BCOR: variants seen among roughly 807,000 people sequenced by gnomAD.
BCOR encodes the protein BCL-6 corepressor.
Under a neutral mutation model 86.7 loss-of-function variants are expected in BCOR, and 10 were observed. That is an observed-to-expected ratio of 0.12 (90% confidence interval 0.07 to 0.20). BCOR has a LOEUF of 0.20. Ranked by LOEUF, BCOR falls within the 10% of genes least tolerant of loss-of-function variation. BCOR has a pLI of 1.00. For missense variants in BCOR, 1,259 were observed against 1,452.1 expected (o/e 0.87, Z 2.16); for synonymous variants, 611 against 609.0 (o/e 1.00, Z -0.05).
In BCOR at chrX:40,125,994, G is replaced by A. The variant is rs891250823; in HGVS notation, c.-40-48025C>T. Among the ~76,000 whole-genome samples, 8 of 106,707 alleles carry A rather than the reference G, an allele frequency of 7.5e-5. No individual in the cohort carries two copies. The Admixed American group carries it at 8.0e-4, about 11-fold the overall frequency. 92.7% of individuals were successfully genotyped at this position (106,707 alleles called of 115,157 possible). A position where few individuals can be genotyped will look rare whatever the true frequency, so the allele number is the denominator to read the frequency against. On this transcript the variant is annotated intron_variant, in intron 1 of 14. Coordinates refer to the BCOR transcript ENST00000342274. Reference sequence around the variant, plus strand: ...TGGGAGGCCGAGGCGGGCGGATCACGAGGTCGAGAGATTGAGACCATCCTG... The same window carrying A: ...TGGGAGGCCGAGGCGGGCGGATCACAAGGTCGAGAGATTGAGACCATCCTG...
intron 1 of BCOR, among the ~76,000 whole-genome samples, chrX:40,092,729 C>T (rs779697006): frequency 1.8e-5 from 2 of 112,238 alleles, no homozygotes; most frequent in South Asian, 3.7e-4. Flanking sequence ...GCCCACTCCA[C>T]CTCACCCCTA....
chrX:40,064,233 T>C, intron 7 of BCOR, 103 bp downstream of exon 7: 1 of 1,127,712 alleles, frequency 8.9e-7, no homozygotes, highest in Non-Finnish European at 1.2e-6. Context: ...ACCGACTCTG[T>C]CTACGGGGGC....
intron 1 of BCOR, among the ~76,000 whole-genome samples, chrX:40,159,811 G>A (rs1266863201): frequency 8.9e-6 from 1 of 111,919 alleles, no homozygotes; most frequent in Non-Finnish European, 1.9e-5. Flanking sequence ...ATTGTCCTCA[G>A]ATTAATTGTA....
chrX:40,067,131 G>A (rs1169785145), intron 6 of BCOR, among the ~76,000 whole-genome samples: 1 of 112,067 alleles, frequency 8.9e-6, no homozygotes, highest in Admixed American at 9.4e-5. Flanking sequence ...ATAGTGAAAT[G>A]AGTTTATATC....
At chrX:40,083,179 T>C (rs962471832) in intron 1 of BCOR, among the ~76,000 whole-genome samples, 23 of 110,685 alleles carry the variant, frequency 2.1e-4, no homozygotes, top group African/African-American at 6.9e-4. Context: ...CAGTGTGGGA[T>C]GGGTCCTCCG....
intron 1 of BCOR, among the ~76,000 whole-genome samples, chrX:40,079,512 C>T (rs755663434): frequency 8.9e-5 from 10 of 111,854 alleles, no homozygotes; most frequent in Non-Finnish European, 1.5e-4. Context: ...CATAGAACAA[C>T]GTCTGTTAAC....
chrX:40,052,763 A>G (rs1934388815), intron 14 of BCOR, among the ~76,000 whole-genome samples: 1 of 109,276 alleles, frequency 9.2e-6, no homozygotes, highest in Non-Finnish European at 1.9e-5. Flanking sequence ...ATGGGGTTTC[A>G]CCATGTTAAC....
intron 1 of BCOR, among the ~76,000 whole-genome samples, chrX:40,149,030 C>T (rs749596029): frequency 7.2e-5 from 8 of 110,910 alleles, no homozygotes; most frequent in Admixed American, 1.9e-4. Context: ...CCGGGTCTCA[C>T]ACAACAGCCC....
In BCOR at chrX:40,119,274, G is replaced by A. The variant is rs376265316; in HGVS notation, c.-40-41305C>T. ...TTTTTTTTTTTTTGGTGGTGGTGCC[G>A]GTGGGGGGTGGACAGGGTCTCACTC... On this transcript the variant is annotated intron_variant, in intron 1 of 14. Transcript: ENST00000342274. 1.7e-3 allele frequency among the ~76,000 whole-genome samples: 174 copies of A among 104,886 alleles called. 1 individual carries two copies. The highest frequency in any genetic ancestry group is 5.7e-3 in the African/African-American group (162 of 28,617). The allele number at this position is 104,886 out of a possible 115,157, so 91.1% of individuals were successfully genotyped here.
At chrX:40,129,156 A>G (rs1035466763) in intron 1 of BCOR, among the ~76,000 whole-genome samples, 1 of 111,567 alleles carries the variant, frequency 9.0e-6, no homozygotes, top group African/African-American at 3.3e-5. Flanking sequence ...GGAAGGTGAC[A>G]TAGGAGAACG....
At chrX:40,113,874 A>T (rs1316781277) in intron 1 of BCOR, among the ~76,000 whole-genome samples, 3 of 109,034 alleles carry the variant, frequency 2.8e-5, no homozygotes, top group Non-Finnish European at 5.7e-5. Flanking sequence ...GCTGGAATGC[A>T]GCAGCACGAT....
intron 1 of BCOR, among the ~76,000 whole-genome samples, chrX:40,148,662 C>T (rs1481127033): frequency 9.0e-6 from 1 of 111,272 alleles, no homozygotes; most frequent in Non-Finnish European, 1.9e-5. Context: ...AGCCTGCCTA[C>T]GTGGGGCCTG....
chrX:40,063,698 T>G lies in BCOR; in HGVS notation c.3757A>C (p.Thr1253Pro). 1 of 1,211,518 alleles carries G rather than the reference T, an allele frequency of 8.3e-7. No individual in the cohort carries two copies. The highest frequency in any genetic ancestry group is 1.1e-6 in the Non-Finnish European group (1 of 895,151). The stretch of plus-strand genomic sequence containing the variant: ...CTTTTCCTGCCAGGTTTCTCTTCAG[T>G]GATGTTAGTCCCCTGAGGAATGGCC... ...PEAIPQGTNITEEKPGRKRAE... is the reference protein window; with the variant it reads ...PEAIPQGTNIPEEKPGRKRAE... Residue 1253 changes from threonine (T) to proline (P), a missense_variant, in exon 8 of 15, where the codon ACT (threonine) becomes CCT (proline). Coordinates refer to ENST00000378444, the MANE Select transcript of BCOR (RefSeq NM_001123385.2).
chrX:40,141,807 G>A (rs776367699), intron 1 of BCOR, among the ~76,000 whole-genome samples: 3 of 111,409 alleles, frequency 2.7e-5, no homozygotes, highest in East Asian at 5.7e-4. Context: ...GGCCTCTCTC[G>A]CACTCCCACC....
chrX:40,060,014 G>A (rs934798167), intron 10 of BCOR, among the ~76,000 whole-genome samples: 11 of 111,928 alleles, frequency 9.8e-5, no homozygotes, highest in Admixed American at 4.7e-4. Context: ...AGCTTGAGCA[G>A]CCTTTTTATT....
intron 1 of BCOR, among the ~76,000 whole-genome samples, chrX:40,139,435 TA>T (rs1225193842): frequency 5.0e-5 from 1 of 20,190 alleles, no homozygotes; most frequent in Admixed American, 9.6e-4. Flanking sequence ...CATATATATA[TA>T]TATATATATA....
Position 40,070,991 on chromosome X carries a change from G to T in BCOR, c.3220C>A (p.Gln1074Lys). 2 of 1,211,013 alleles carry T rather than the reference G, an allele frequency of 1.7e-6. No homozygotes were observed. The highest frequency in any genetic ancestry group is 2.2e-6 in the Non-Finnish European group (2 of 895,304). Residue 1074 changes from glutamine to lysine, a missense_variant, in exon 6 of 15, where the codon CAG (glutamine) becomes AAG (lysine). Coordinates refer to ENST00000378444, the MANE Select transcript of BCOR (RefSeq NM_001123385.2). ...TACTTACATCTCTCACTTTCGTTCT[G>T]TTCTGCAATGGCCTCCTCCAGGGTG... ...SVTLEEAIAE[Q>K]NESERCEYSV...
At chrX:40,123,403 A>T (rs1937512353) in intron 1 of BCOR, among the ~76,000 whole-genome samples, 1 of 108,955 alleles carries the variant, frequency 9.2e-6, no homozygotes, top group South Asian at 4.0e-4. Context: ...CCCAGACTGG[A>T]GTGCAATGGT....
At position 40,072,167 on chromosome X, in the gene BCOR, G is replaced by A; in HGVS notation, c.2997+182C>T. 3 of 471,868 alleles carry A rather than the reference G, an allele frequency of 6.4e-6. No homozygotes were observed. In the South Asian group the frequency reaches 9.6e-5, roughly 15 times the overall value. The allele number at this position is 471,868 out of a possible 1,213,427, so 38.9% of individuals were successfully genotyped here. A position where few individuals can be genotyped will look rare whatever the true frequency, so the allele number is the denominator to read the frequency against. On this transcript the variant is annotated intron_variant, in intron 4 of 14. Coordinates refer to ENST00000378444, the MANE Select transcript of BCOR (RefSeq NM_001123385.2). ...TCTACAGAATAACTTAAAGCATCCA[G>A]ACACGCCTCAGTGCTACCACTCACG...
Sources: allele counts gnomAD v4.1 joint callset (sites outside exome capture counted in the v4.1 genomes callset), GRCh38; gene constraint gnomAD v4.1.1; transcripts MANE v1.5; gene names NCBI Gene and HGNC (gene_info 2026-07-23, HGNC 2026-07-21).